NCAM1: variants seen among roughly 807,000 people sequenced by gnomAD.
The protein encoded by NCAM1 is antigen recognized by monoclonal antibody 5.1H11.
Under a neutral mutation model 109.8 loss-of-function variants are expected in NCAM1, and 14 were observed. The observed-to-expected ratio is 0.13, with a 90% CI of 0.08 to 0.20. NCAM1 has a LOEUF of 0.20. NCAM1 is among the 10% of genes least tolerant of loss of function. NCAM1 has a pLI of 1.00. For missense variants in NCAM1, 774 were observed against 1,109.9 expected (o/e 0.70, Z 4.30); for synonymous variants, 418 against 442.9 (o/e 0.94, Z 0.70).
intron 1 of NCAM1, among the ~76,000 whole-genome samples, chr11:113,117,555 G>A (rs1555095148): frequency 6.6e-6 from 1 of 151,894 alleles, no homozygotes. Context: ...CAAAAATTTT[G>A]GTGACCATCC....
At chr11:113,207,218 C>T (rs782578586) in intron 5 of NCAM1, 43 bp from the exon 6 acceptor site, 7 of 1,548,590 alleles carry the variant, frequency 4.5e-6, no homozygotes. Context: ...TTGGGTTCTT[C>T]CAAATTTTCA....
chr11:113,083,343 G>A (rs1938929397), intron 1 of NCAM1, among the ~76,000 whole-genome samples: 1 of 152,080 alleles, frequency 6.6e-6, no homozygotes, highest in African/African-American at 2.4e-5. Flanking sequence ...TGTACGTCCT[G>A]GTCTTTAGTC....
intron 1 of NCAM1, among the ~76,000 whole-genome samples, chr11:113,088,342 T>A (rs1375304076): frequency 6.6e-6 from 1 of 152,174 alleles, no homozygotes; most frequent in Non-Finnish European, 1.5e-5. Context: ...TGCAAGCTAA[T>A]CAATAGAATT....
At position 113,095,179 on chromosome 11, in the gene NCAM1, A is replaced by T. The variant is rs782018579; in HGVS notation, c.53-107200A>T. Among the ~76,000 whole-genome samples the T allele has an allele frequency of 4.0e-4, 61 of 152,344 alleles. No individual in the cohort carries two copies. In the Middle Eastern group the frequency reaches 0.014, roughly 34 times the overall value. ...TGATTGAAGAGCGGCAGTATAGCTG[A>T]TCCATCATAAATTAACATTAACTAA... is the stretch of plus-strand genomic sequence containing the variant. On this transcript the variant is annotated intron_variant, in intron 1 of 19. Coordinates refer to ENST00000316851, the MANE Select transcript of NCAM1 (RefSeq NM_181351.5).
chr11:113,024,066 C>T (rs1952471051), intron 1 of NCAM1, among the ~76,000 whole-genome samples: 1 of 149,056 alleles, frequency 6.7e-6, no homozygotes, highest in Admixed American at 6.7e-5. Flanking sequence ...GGAGGGTTCC[C>T]TTGGGGTAAC....
chr11:112,979,438 A>G (rs1034989917), intron 1 of NCAM1, among the ~76,000 whole-genome samples: 1 of 151,852 alleles, frequency 6.6e-6, no homozygotes, highest in African/African-American at 2.4e-5. Flanking sequence ...TCCATTCAAC[A>G]AAATAGAATG....
chr11:113,098,619 T>C (rs1023040824), intron 1 of NCAM1, among the ~76,000 whole-genome samples: 1 of 152,110 alleles, frequency 6.6e-6, no homozygotes, highest in Non-Finnish European at 1.5e-5. Flanking sequence ...AATTATTTGC[T>C]TTGTACCAGG....
At chr11:113,055,033 A>G (rs1953644247) in intron 1 of NCAM1, among the ~76,000 whole-genome samples, 1 of 152,216 alleles carries the variant, frequency 6.6e-6, no homozygotes, top group Admixed American at 6.5e-5. Flanking sequence ...AAGACATGAT[A>G]CAGCCCACAG....
At chr11:113,117,178 G>C (rs1940749929) in intron 1 of NCAM1, among the ~76,000 whole-genome samples, 1 of 151,886 alleles carries the variant, frequency 6.6e-6, no homozygotes, top group Non-Finnish European at 1.5e-5. Flanking sequence ...ATCTGCATAA[G>C]CCATTTAGTG....
rs146283217 is a variant in NCAM1, at chr11:113,268,136, A to G, written c.2132-2052A>G. 4.7e-3 allele frequency among the ~76,000 whole-genome samples: 723 copies of G among 152,328 alleles called. 4 individuals are homozygous for G. Among genetic ancestry groups the G allele is most frequent in the Admixed American group, 7.6e-3 (116 of 15,300 alleles). ...TTCTTCCCTGTTCAGGGAAACAGCT[A>G]TGGGATCCTGAAGACCAAGAAGGCC... is the stretch of plus-strand genomic sequence containing the variant. On this transcript the variant is annotated intron_variant, in intron 17 of 19. Coordinates refer to ENST00000316851, the MANE Select transcript of NCAM1 (RefSeq NM_181351.5).
chr11:113,248,773 G>T (rs12280585), intron 15 of NCAM1, among the ~76,000 whole-genome samples: 1 of 152,208 alleles, frequency 6.6e-6, no homozygotes, highest in African/African-American at 2.4e-5. Context: ...GAGAAGGGAG[G>T]TTATAACAGG....
In NCAM1 at chr11:113,049,256, G is replaced by GAA. The variant is rs376950661; in HGVS notation, c.52+87600_52+87601dup. 1.2e-4 allele frequency among the ~76,000 whole-genome samples: 18 copies of GAA among 150,330 alleles called. No homozygotes were observed. In the South Asian group the frequency reaches 1.7e-3, roughly 14 times the overall value. The stretch of plus-strand genomic sequence containing the variant: ...TATGTTATGTGAATTTCACTTCAAT[G>GAA]AAAAAAAAATGATTCTATGATCAAC... On this transcript the variant is annotated intron_variant, in intron 1 of 19. Coordinates refer to ENST00000316851, the MANE Select transcript of NCAM1 (RefSeq NM_181351.5).
At position 113,278,013 on chromosome 11, in the gene NCAM1, T is replaced by G. The variant is rs1003202687; in HGVS notation, c.*2626T>G. On this transcript the variant is annotated 3_prime_UTR_variant, in exon 20 of 20. Transcript: ENST00000316851. ...TCAACTCCAGTTTCCAATGTCTATG[T>G]GTCTATGTGTGTATGTGCCATACAT... The G allele has an allele frequency of 6.6e-6, 1 of 152,184 alleles. No homozygotes were observed. Among genetic ancestry groups the G allele is most frequent in the Non-Finnish European group, 1.5e-5 (1 of 68,034 alleles). The allele number at this position is 152,184 out of a possible 1,614,324, so 9.4% of individuals were successfully genotyped here.
intron 15 of NCAM1, among the ~76,000 whole-genome samples, chr11:113,247,458 C>A (rs185950601): frequency 3.9e-5 from 6 of 152,288 alleles, no homozygotes; most frequent in Admixed American, 2.6e-4. Context: ...GCTGGTCTCG[C>A]ATGTCCTTTG....
At chr11:113,148,362 T>TG (rs1555101760) in intron 1 of NCAM1, among the ~76,000 whole-genome samples, 1 of 150,766 alleles carries the variant, frequency 6.6e-6, no homozygotes, top group African/African-American at 2.4e-5. Context: ...TTGCGGAGCT[T>TG]TTTTTTTTTT....
At chr11:113,108,181 A>G (rs192120014) in intron 1 of NCAM1, among the ~76,000 whole-genome samples, 3 of 152,254 alleles carry the variant, frequency 2.0e-5, no homozygotes, top group African/African-American at 7.2e-5. Flanking sequence ...TGTATGCATA[A>G]CTTTTAATAA....
At chr11:113,250,338 G>C (rs1015057348) in intron 15 of NCAM1, among the ~76,000 whole-genome samples, 7 of 152,166 alleles carry the variant, frequency 4.6e-5, no homozygotes, top group Non-Finnish European at 8.8e-5. Flanking sequence ...GTTTGTCGTC[G>C]AGGGCTAAGC....
intron 1 of NCAM1, among the ~76,000 whole-genome samples, chr11:113,072,291 A>G (rs189601025): frequency 3.3e-5 from 5 of 152,364 alleles, no homozygotes; most frequent in Admixed American, 1.3e-4. Context: ...TGGAATAATC[A>G]TTTGGAGGAA....
intron 1 of NCAM1, among the ~76,000 whole-genome samples, chr11:113,037,692 T>G (rs1039686000): frequency 4.6e-5 from 7 of 152,258 alleles, no homozygotes; most frequent in African/African-American, 1.4e-4. Flanking sequence ...CTTCACTAAA[T>G]GCATAAGTCC....
Sources: gnomAD v4.1 joint callset for allele counts (sites outside exome capture counted in the v4.1 genomes callset) on GRCh38, gnomAD v4.1.1 for gene constraint, MANE v1.5 for transcripts, NCBI Gene and HGNC (gene_info 2026-07-23, HGNC 2026-07-21) for gene names.